KIAA2012: variants seen among roughly 807,000 people sequenced by gnomAD.
KIAA2012 encodes the protein KIAA2012, also known as uncharacterized protein KIAA2012.
A neutral mutation model predicts 150.6 loss-of-function variants in KIAA2012; 125 were observed. The ratio of observed to expected loss-of-function variants is 0.83; its 90% CI spans 0.72 to 0.96. The LOEUF (loss-of-function observed/expected upper bound fraction) is 0.96, where lower values mean the gene tolerates loss of function less well. Among genes scored for constraint, KIAA2012 ranks in the 40% least tolerant of loss-of-function variants. KIAA2012 has a pLI of 0.00. For synonymous variants in KIAA2012, 462 were observed against 504.7 expected, an observed-to-expected ratio of 0.92 and a Z score of 1.13; for missense variants, 1,219 against 1,354.9, an observed-to-expected ratio of 0.90 and a Z score of 1.57.
chr2:202,077,698 T>A (rs1489961518), intron 2 of KIAA2012, among the ~76,000 whole-genome samples: 2 of 152,134 alleles, frequency 1.3e-5, no homozygotes, highest in East Asian at 3.8e-4. Flanking sequence ...CACACTGGGC[T>A]CAGTGCCTCA....
chr2:202,106,104 A>C (rs1297335417), intron 9 of KIAA2012, 194 bp downstream of exon 9: 1 of 1,456,544 alleles, frequency 6.9e-7, no homozygotes, highest in Non-Finnish European at 9.1e-7. Context: ...AACAGTGTCC[A>C]GCTCACCAGT....
chr2:202,180,541 C>T (rs1692097605), intron 15 of KIAA2012, among the ~76,000 whole-genome samples: 1 of 152,066 alleles, frequency 6.6e-6, no homozygotes, highest in Admixed American at 6.6e-5. Flanking sequence ...CAAAACATTC[C>T]TGACCAGATG....
At chr2:202,096,167 A>T (rs1689879127) in intron 4 of KIAA2012, among the ~76,000 whole-genome samples, 1 of 152,174 alleles carries the variant, frequency 6.6e-6, no homozygotes, top group South Asian at 2.1e-4. Flanking sequence ...TTCCAGGTGA[A>T]TCTGACCAGA....
At chr2:202,199,076 C>T (rs899337163) in intron 22 of KIAA2012, among the ~76,000 whole-genome samples, 3 of 152,126 alleles carry the variant, frequency 2.0e-5, no homozygotes, top group Admixed American at 1.3e-4. Flanking sequence ...AGAAAACTGA[C>T]GGTCATCCAA....
intron 12 of KIAA2012, among the ~76,000 whole-genome samples, chr2:202,133,130 A>ATATATATTTTTTTTTTTTTTTT (rs1279080237): frequency 8.9e-5 from 6 of 67,772 alleles, no homozygotes; most frequent in Middle Eastern, 8.5e-3. Flanking sequence ...ATATATATAT[A>ATATATATTTTTTTTTTTTTTTT]TTTTTTTTTT....
chr2:202,185,906 T>G (rs1692218207), intron 16 of KIAA2012, among the ~76,000 whole-genome samples: 1 of 152,132 alleles, frequency 6.6e-6, no homozygotes, highest in Non-Finnish European at 1.5e-5. Flanking sequence ...TACAGGAAAT[T>G]CCATTCACCT....
At chr2:202,132,726 A>AGAG (rs1431249857) in intron 12 of KIAA2012, among the ~76,000 whole-genome samples, 1 of 99,674 alleles carries the variant, frequency 1.0e-5, no homozygotes, top group Non-Finnish European at 2.0e-5. Context: ...GTATATATAT[A>AGAG]TAGTATATAT....
intron 2 of KIAA2012, among the ~76,000 whole-genome samples, chr2:202,088,998 T>C (rs1304194843): frequency 6.6e-6 from 1 of 152,228 alleles, no homozygotes; most frequent in Non-Finnish European, 1.5e-5. Flanking sequence ...CAAGGCTCTT[T>C]CCCAAGCTTT....
intron 15 of KIAA2012, among the ~76,000 whole-genome samples, chr2:202,168,217 G>A (rs1195873892): frequency 1.3e-5 from 2 of 151,910 alleles, no homozygotes; most frequent in Non-Finnish European, 2.9e-5. Flanking sequence ...TCAAGAGATC[G>A]AGACCGTCCT....
At chr2:202,126,578 G>A (rs1690794244) in intron 12 of KIAA2012, among the ~76,000 whole-genome samples, 2 of 151,062 alleles carry the variant, frequency 1.3e-5, no homozygotes, top group African/African-American at 4.9e-5. Flanking sequence ...CTGGGCCAGA[G>A]CAGCTCTTAA....
chr2:202,079,184 A>G (rs1193827396), intron 2 of KIAA2012, among the ~76,000 whole-genome samples: 1 of 152,224 alleles, frequency 6.6e-6, no homozygotes, highest in Non-Finnish European at 1.5e-5. Context: ...AGAGGTAGAC[A>G]GTTGACCCTG....
At chr2:202,095,004 G>A (rs1689829436) in intron 4 of KIAA2012, among the ~76,000 whole-genome samples, 1 of 152,106 alleles carries the variant, frequency 6.6e-6, no homozygotes, top group South Asian at 2.1e-4. Flanking sequence ...CTGGGCCTTG[G>A]TTTTCTCATT....
At chr2:202,196,196 T>TTTTC (rs1692411245) in intron 21 of KIAA2012, among the ~76,000 whole-genome samples, 1 of 129,078 alleles carries the variant, frequency 7.7e-6, no homozygotes, top group Non-Finnish European at 1.7e-5. Context: ...CTTTTTTTTT[T>TTTTC]TTTTTTTTTT....
At position 202,153,962 on chromosome 2, in the gene KIAA2012, C is replaced by T. The variant is rs932547686; in HGVS notation, c.1909-711C>T. On this transcript the variant is annotated intron_variant, in intron 13 of 23. Transcript: ENST00000498697. ...AGTGATATGGTCCAGTATGCATCTTCGAAGGAGCAGCCAGGTTGCAATGTG... is the reference window on the plus strand; with the variant it reads ...AGTGATATGGTCCAGTATGCATCTTTGAAGGAGCAGCCAGGTTGCAATGTG... 3.3e-5 allele frequency among the ~76,000 whole-genome samples: 5 copies of T among 152,240 alleles called. No homozygotes were observed. In the East Asian group the frequency reaches 9.7e-4, roughly 29 times the overall value.
intron 9 of KIAA2012, 42 bp from the exon 10 acceptor site, chr2:202,109,571 T>C: frequency 6.8e-7 from 1 of 1,472,690 alleles, no homozygotes; most frequent in Non-Finnish European, 9.0e-7. Flanking sequence ...TCCTGCTGAT[T>C]CTGTTTTCTC....
intron 14 of KIAA2012, among the ~76,000 whole-genome samples, chr2:202,156,054 A>G (rs1374947116): frequency 6.6e-6 from 1 of 152,140 alleles, no homozygotes; most frequent in African/African-American, 2.4e-5. Context: ...AAAATGGGGT[A>G]CTGAAAACTA....
At chr2:202,166,141 A>G (rs1691756119) in intron 15 of KIAA2012, among the ~76,000 whole-genome samples, 2 of 152,264 alleles carry the variant, frequency 1.3e-5, no homozygotes, top group Non-Finnish European at 2.9e-5. Flanking sequence ...TGACCAAGTC[A>G]GTCAAAACAG....
intron 12 of KIAA2012, among the ~76,000 whole-genome samples, chr2:202,134,451 T>C (rs1691019834): frequency 6.6e-6 from 1 of 152,196 alleles, no homozygotes; most frequent in South Asian, 2.1e-4. Context: ...GGTGACTCTT[T>C]GGAGCTGATC....
At chr2:202,123,185 G>A (rs1248764490) in intron 11 of KIAA2012, among the ~76,000 whole-genome samples, 3 of 152,198 alleles carry the variant, frequency 2.0e-5, no homozygotes, top group Non-Finnish European at 4.4e-5. Context: ...GGGCAGGGCG[G>A]TGGCGGTGAC....
Sources: gnomAD v4.1 joint callset for allele counts (sites outside exome capture counted in the v4.1 genomes callset) on GRCh38, gnomAD v4.1.1 for gene constraint, MANE v1.5 for transcripts, NCBI Gene and HGNC (gene_info 2026-07-23, HGNC 2026-07-21) for gene names.